The following SNX29 variants were observed in gnomAD, a reference collection of about 807,000 sequenced individuals.
The protein encoded by SNX29 is sorting nexin 29.
SNX29 carries 78 observed loss-of-function variants against 102.1 expected under a neutral mutation model. The observed-to-expected ratio is 0.76, with a 90% CI of 0.64 to 0.92. SNX29 has a LOEUF of 0.92. SNX29 is among the 40% of genes least tolerant of loss of function. The pLI is 0.00. For missense variants in SNX29, 1,280 were observed against 1,061.7 expected, an observed-to-expected ratio of 1.21 and a Z score of -2.86; for synonymous variants, 580 against 414.5, an observed-to-expected ratio of 1.40 and a Z score of -4.85.
intron 14 of SNX29, among the ~76,000 whole-genome samples, chr16:12,232,087 G>C (rs977272424): frequency 6.6e-6 from 1 of 152,108 alleles, no homozygotes; most frequent in Non-Finnish European, 1.5e-5. Flanking sequence ...CCCCAGTTTA[G>C]GTTTTTAGCA....
chr16:12,283,921 G>T (rs980049629), intron 15 of SNX29, among the ~76,000 whole-genome samples: 10 of 152,188 alleles, frequency 6.6e-5, no homozygotes, highest in African/African-American at 2.2e-4. Context: ...TAGTGGTGAT[G>T]CTCAGAATTT....
chr16:12,199,834 G>A (rs1209340150), intron 14 of SNX29, among the ~76,000 whole-genome samples, 151 bp downstream of exon 14: 1 of 152,202 alleles, frequency 6.6e-6, no homozygotes, highest in Admixed American at 6.5e-5. Context: ...AATTAATCAG[G>A]TGGAAAACCT....
intron 16 of SNX29, among the ~76,000 whole-genome samples, chr16:12,368,468 T>A (rs894222351): frequency 1.3e-5 from 2 of 152,256 alleles, no homozygotes; most frequent in Non-Finnish European, 2.9e-5. Context: ...CACTGTGTTT[T>A]GTGTGGCCAC....
chr16:12,314,885 C>T (rs1185741535), intron 15 of SNX29, among the ~76,000 whole-genome samples: 1 of 152,204 alleles, frequency 6.6e-6, no homozygotes, highest in African/African-American at 2.4e-5. Flanking sequence ...GTTATTCTGT[C>T]TCCTACCGGG....
intron 20 of SNX29, among the ~76,000 whole-genome samples, chr16:12,555,467 A>G (rs1052411758): frequency 4.1e-5 from 6 of 146,976 alleles, no homozygotes; most frequent in Admixed American, 2.0e-4. Context: ...CCTAGTTGAC[A>G]TGTCTGAGGA....
chr16:12,488,339 A>C (rs891138438), intron 19 of SNX29, among the ~76,000 whole-genome samples: 1 of 152,070 alleles, frequency 6.6e-6, no homozygotes, highest in African/African-American at 2.4e-5. Flanking sequence ...TCCACCAGGA[A>C]GTCTTCCCTG....
intron 20 of SNX29, among the ~76,000 whole-genome samples, chr16:12,554,986 A>C (rs1049124112): frequency 6.6e-6 from 1 of 151,774 alleles, no homozygotes; most frequent in East Asian, 1.9e-4. Flanking sequence ...AGTCAGCCGG[A>C]GCACCTTTCT....
At chr16:12,277,352 T>TTC (rs2079283855) in intron 14 of SNX29, among the ~76,000 whole-genome samples, 1 of 152,052 alleles carries the variant, frequency 6.6e-6, no homozygotes, top group Admixed American at 6.6e-5. Flanking sequence ...GTGAGCTAAA[T>TTC]GATTGATTGT....
At position 12,127,567 on chromosome 16, in the gene SNX29, G is replaced by A. The variant is rs1330854847; in HGVS notation, c.1466+871G>A. ...CTTCTGAGTGGCTGAGACTACAGGC[G>A]CATGCCACCATGCCCGGCTAATTTT... On this transcript the variant is annotated intron_variant, in intron 12 of 20. Coordinates refer to ENST00000566228, the MANE Select transcript of SNX29 (RefSeq NM_032167.5). Among the ~76,000 whole-genome samples the A allele has an allele frequency of 7.9e-5, 12 of 151,938 alleles. No homozygotes were observed. The South Asian group carries it at 2.3e-3, about 29-fold the overall frequency.
chr16:12,249,363 G>C (rs1424211694), intron 14 of SNX29, among the ~76,000 whole-genome samples: 3 of 152,210 alleles, frequency 2.0e-5, no homozygotes, highest in Non-Finnish European at 4.4e-5. Context: ...AGTTCTAAGA[G>C]GGAACATCCT....
At chr16:12,291,358 CCTTATACAA>C (rs2079786737) in intron 15 of SNX29, among the ~76,000 whole-genome samples, 2 of 152,118 alleles carry the variant, frequency 1.3e-5, no homozygotes, top group African/African-American at 4.8e-5. Context: ...TTGTGCAGCC[CCTTATACAA>C]CTGTCAGATC....
chr16:12,049,414 C>T (rs1008255943), intron 7 of SNX29, among the ~76,000 whole-genome samples: 3 of 151,718 alleles, frequency 2.0e-5, no homozygotes, highest in Non-Finnish European at 2.9e-5. Flanking sequence ...CTCACTGCAA[C>T]CTCCACTTCC....
intron 20 of SNX29, among the ~76,000 whole-genome samples, chr16:12,560,559 G>C (rs1341663840): frequency 6.6e-6 from 1 of 152,156 alleles, no homozygotes; most frequent in Non-Finnish European, 1.5e-5. Flanking sequence ...ACGTTGCTCA[G>C]TGTGATTCCT....
intron 18 of SNX29, among the ~76,000 whole-genome samples, chr16:12,469,842 C>G (rs2087249791): frequency 6.6e-6 from 1 of 152,142 alleles, no homozygotes; most frequent in Non-Finnish European, 1.5e-5. Context: ...GAAACCCCGT[C>G]TCTACTAACA....
At chr16:12,426,576 C>T (rs566443636) in intron 18 of SNX29, among the ~76,000 whole-genome samples, 7 of 152,276 alleles carry the variant, frequency 4.6e-5, no homozygotes, top group Admixed American at 2.0e-4. Flanking sequence ...ATATGTGTTA[C>T]GTAGCCAATA....
intron 13 of SNX29, among the ~76,000 whole-genome samples, chr16:12,188,449 C>T (rs2076565848): frequency 6.6e-6 from 1 of 152,148 alleles, no homozygotes; most frequent in Non-Finnish European, 1.5e-5. Context: ...AGAGGAGTAG[C>T]TTATGTAAGT....
intron 10 of SNX29, among the ~76,000 whole-genome samples, chr16:12,069,418 AC>A (rs2051189753): frequency 6.6e-6 from 1 of 151,836 alleles, no homozygotes; most frequent in Admixed American, 6.6e-5. Context: ...GGCACACACC[AC>A]CATGCCTAGC....
intron 18 of SNX29, among the ~76,000 whole-genome samples, chr16:12,450,539 G>A (rs2086257399): frequency 6.6e-6 from 1 of 152,206 alleles, no homozygotes; most frequent in Non-Finnish European, 1.5e-5. Flanking sequence ...GGAATGAGGT[G>A]CTCTGATTGG....
intron 18 of SNX29, among the ~76,000 whole-genome samples, chr16:12,460,523 G>A (rs892927297): frequency 1.3e-5 from 2 of 152,034 alleles, no homozygotes; most frequent in African/African-American, 2.4e-5. Flanking sequence ...GCTTTGCTCA[G>A]CCATCACCTC....
Sources: allele counts gnomAD v4.1 joint callset (sites outside exome capture counted in the v4.1 genomes callset), GRCh38; gene constraint gnomAD v4.1.1; transcripts MANE v1.5; gene names NCBI Gene and HGNC (gene_info 2026-07-23, HGNC 2026-07-21).